ST18: variants seen among roughly 807,000 people sequenced by gnomAD.
The protein encoded by ST18 is suppression of tumorigenicity 18 protein.
In ST18, 50 loss-of-function variants were observed where a neutral mutation model predicts 110.0. The ratio of observed to expected loss-of-function variants is 0.45; its 90% CI spans 0.36 to 0.58. The LOEUF (loss-of-function observed/expected upper bound fraction) is 0.58, where lower values mean the gene tolerates loss of function less well. Among genes scored for constraint, ST18 ranks in the 20% least tolerant of loss-of-function variants. The probability of loss-of-function intolerance (pLI) is 0.00; values close to 1 mark genes in which losing one functional copy is unlikely to be tolerated. For synonymous variants in ST18, 461 were observed against 452.4 expected, an observed-to-expected ratio of 1.02 and a Z score of -0.24; for missense variants, 1,306 against 1,280.1, an observed-to-expected ratio of 1.02 and a Z score of -0.31.
chr8:52,136,807 T>C, intron 18 of ST18, 149 bp from the exon 19 acceptor site: 1 of 689,674 alleles, frequency 1.4e-6, no homozygotes, highest in Non-Finnish European at 2.4e-6. Flanking sequence ...GGCTTTGCTC[T>C]TCTCGCCAGT....
intron 2 of ST18, among the ~76,000 whole-genome samples, chr8:52,249,839 A>G (rs1240277720): frequency 1.3e-5 from 2 of 152,122 alleles, no homozygotes; most frequent in African/African-American, 2.4e-5. Context: ...GGAAACTTTC[A>G]GATCAAAGAT....
chr8:52,249,681 A>T (rs577529976), intron 2 of ST18, among the ~76,000 whole-genome samples: 9 of 152,042 alleles, frequency 5.9e-5, no homozygotes, highest in East Asian at 5.8e-4. Flanking sequence ...CTAAAAAAAT[A>T]AAAAAAATTA....
intron 2 of ST18, chr8:52,405,848 A>G (rs573642069): frequency 1.3e-4 from 20 of 152,284 alleles, no homozygotes; most frequent in African/African-American, 4.1e-4. Flanking sequence ...AGGAGAAAGG[A>G]ATGGTGAGGG....
rs542200734 is a variant in ST18 at position 52,367,423 on chromosome 8, A to G, written c.-465+41905T>C. Reference sequence around the variant, plus strand: ...GGCAATAGAGTGAGACTTTGTCTCGAAAAAATAAAACTTAAAAATTAAAAA... The same window carrying G: ...GGCAATAGAGTGAGACTTTGTCTCGGAAAAATAAAACTTAAAAATTAAAAA... On this transcript the variant is annotated intron_variant, in intron 2 of 25. Coordinates refer to ENST00000689386, the MANE Select transcript of ST18 (RefSeq NM_001352837.2). Among the ~76,000 whole-genome samples, 3 of 152,278 alleles carry G rather than the reference A, an allele frequency of 2.0e-5. No individual in the cohort carries two copies. The South Asian group carries it at 6.2e-4, about 32-fold the overall frequency.
intron 23 of ST18, among the ~76,000 whole-genome samples, chr8:52,121,616 G>GCC (rs1430456501): frequency 2.0e-5 from 3 of 152,178 alleles, no homozygotes; most frequent in African/African-American, 4.8e-5. Context: ...TGGATGGGAA[G>GCC]CCAAGTTACA....
At chr8:52,331,917 T>C (rs1014764628) in intron 2 of ST18, among the ~76,000 whole-genome samples, 18 of 152,180 alleles carry the variant, frequency 1.2e-4, no homozygotes, top group African/African-American at 2.4e-5. Flanking sequence ...ACTCCTCTTC[T>C]CACATTCTGC....
chr8:52,234,764 T>TGTGTGTGA (rs1491170694), intron 2 of ST18, among the ~76,000 whole-genome samples: 4 of 145,402 alleles, frequency 2.8e-5, no homozygotes, highest in Non-Finnish European at 4.5e-5. Flanking sequence ...TGTGTGTGTG[T>TGTGTGTGA]GACAGAATAC....
At chr8:52,159,487 G>T (rs1382307215) in intron 14 of ST18, among the ~76,000 whole-genome samples, 1 of 152,086 alleles carries the variant, frequency 6.6e-6, no homozygotes, top group Non-Finnish European at 1.5e-5. Context: ...ATGCCCATTG[G>T]AAAACTGCAT....
intron 2 of ST18, among the ~76,000 whole-genome samples, chr8:52,321,345 C>T (rs984809019): frequency 5.9e-5 from 9 of 151,796 alleles, no homozygotes; most frequent in African/African-American, 2.2e-4. Context: ...CTGGGTAGTG[C>T]TATTAACTGT....
At chr8:52,316,924 T>A (rs1198825988) in intron 2 of ST18, among the ~76,000 whole-genome samples, 1 of 152,240 alleles carries the variant, frequency 6.6e-6, no homozygotes, top group South Asian at 2.1e-4. Context: ...ATCACCCTTA[T>A]CAGGAATTTG....
chr8:52,337,824 C>T (rs1290147118), intron 2 of ST18, among the ~76,000 whole-genome samples: 1 of 152,170 alleles, frequency 6.6e-6, no homozygotes, highest in Non-Finnish European at 1.5e-5. Context: ...CTTCACTCGC[C>T]AGTGGTCATG....
At chr8:52,334,240 A>G (rs1810995049) in intron 2 of ST18, among the ~76,000 whole-genome samples, 1 of 152,212 alleles carries the variant, frequency 6.6e-6, no homozygotes, top group Non-Finnish European at 1.5e-5. Flanking sequence ...TAATTTAATA[A>G]AGACATAAAT....
chr8:52,355,435 G>A (rs1822270198), intron 2 of ST18, among the ~76,000 whole-genome samples: 1 of 152,136 alleles, frequency 6.6e-6, no homozygotes. Context: ...ACAGAATGAG[G>A]ACAAACAGGC....
At chr8:52,235,815 A>G (rs1294962125) in intron 2 of ST18, among the ~76,000 whole-genome samples, 1 of 152,170 alleles carries the variant, frequency 6.6e-6, no homozygotes, top group Non-Finnish European at 1.5e-5. Flanking sequence ...CACATGCACA[A>G]CTGTCAACTT....
At chr8:52,311,506 T>C (rs1188120972) in intron 2 of ST18, among the ~76,000 whole-genome samples, 2 of 152,216 alleles carry the variant, frequency 1.3e-5, no homozygotes. Flanking sequence ...TTGAAGGCAT[T>C]GTATTAGTCC....
At chr8:52,127,253 T>A (rs894026937) in intron 22 of ST18, among the ~76,000 whole-genome samples, 1 of 152,222 alleles carries the variant, frequency 6.6e-6, no homozygotes, top group Non-Finnish European at 1.5e-5. Flanking sequence ...ATAATAGACA[T>A]ATACTATTAC....
At chr8:52,307,937 G>A (rs930806572) in intron 2 of ST18, among the ~76,000 whole-genome samples, 1 of 152,202 alleles carries the variant, frequency 6.6e-6, no homozygotes, top group Non-Finnish European at 1.5e-5. Flanking sequence ...GAAGTGAAGA[G>A]AGAAGCAAAT....
intron 2 of ST18, among the ~76,000 whole-genome samples, chr8:52,384,575 TTC>T (rs1470283856): frequency 1.3e-5 from 2 of 152,114 alleles, no homozygotes; most frequent in African/African-American, 4.8e-5. Context: ...GATTCAACCA[TTC>T]TCTTTCATTG....
chr8:52,395,242 G>A (rs1840699984), intron 2 of ST18, among the ~76,000 whole-genome samples: 1 of 152,190 alleles, frequency 6.6e-6, no homozygotes, highest in Admixed American at 6.5e-5. Context: ...AGATGTGTGA[G>A]CAAAAGACAC....
Sources: gnomAD v4.1 joint callset for allele counts (sites outside exome capture counted in the v4.1 genomes callset) on GRCh38, gnomAD v4.1.1 for gene constraint, MANE v1.5 for transcripts, NCBI Gene and HGNC (gene_info 2026-07-23, HGNC 2026-07-21) for gene names.